GREB1L: variants seen among roughly 807,000 people sequenced by gnomAD.
The protein encoded by GREB1L is GREB1 like retinoic acid receptor coactivator, also known as GREB1-like protein.
Under a neutral mutation model 200.8 loss-of-function variants are expected in GREB1L, and 17 were observed. That is an observed-to-expected ratio of 0.08 (90% CI 0.06 to 0.13). The LOEUF is 0.13. Ranked by LOEUF, GREB1L falls within the 10% of genes least tolerant of loss-of-function variation. GREB1L has a pLI of 1.00. For synonymous variants in GREB1L, 789 were observed against 893.0 expected (o/e 0.88, Z 2.08); for missense variants, 1,657 against 2,367.7 (o/e 0.70, Z 6.23).
intron 7 of GREB1L, among the ~76,000 whole-genome samples, chr18:21,422,328 A>C (rs1447586840): frequency 6.6e-6 from 1 of 152,220 alleles, no homozygotes; most frequent in Non-Finnish European, 1.5e-5. Flanking sequence ...TACATATTTC[A>C]AAAATACCTA....
intron 1 of GREB1L, among the ~76,000 whole-genome samples, chr18:21,313,101 G>C (rs2038816917): frequency 6.6e-6 from 1 of 151,996 alleles, no homozygotes; most frequent in South Asian, 2.1e-4. Context: ...TAGGTTGTCT[G>C]TTTACTCTGT....
At chr18:21,342,652 C>T (rs181818089) in intron 1 of GREB1L, among the ~76,000 whole-genome samples, 7 of 152,236 alleles carry the variant, frequency 4.6e-5, no homozygotes, top group Admixed American at 1.3e-4. Context: ...CTCCTAGGCT[C>T]TGCAGGTAGC....
intron 7 of GREB1L, among the ~76,000 whole-genome samples, chr18:21,428,251 T>A (rs1455345087): frequency 7.3e-6 from 1 of 136,170 alleles, no homozygotes; most frequent in South Asian, 2.4e-4. Context: ...TTCGTCCAGA[T>A]CATAGTTTGA....
intron 1 of GREB1L, among the ~76,000 whole-genome samples, chr18:21,260,159 T>A (rs2037867062): frequency 6.6e-6 from 1 of 152,008 alleles, no homozygotes; most frequent in Non-Finnish European, 1.5e-5. Context: ...AGCATTTTCT[T>A]ATAAATTCAC....
At chr18:21,245,910 G>A (rs973300660) in intron 1 of GREB1L, among the ~76,000 whole-genome samples, 2 of 152,066 alleles carry the variant, frequency 1.3e-5, no homozygotes, top group African/African-American at 2.4e-5. Context: ...GTAGAGATGG[G>A]GTTTCACTGT....
chr18:21,246,415 T>C (rs1394887928), intron 1 of GREB1L, among the ~76,000 whole-genome samples: 3 of 152,228 alleles, frequency 2.0e-5, no homozygotes, highest in Non-Finnish European at 4.4e-5. Flanking sequence ...ATGTGTGTGC[T>C]TATGTTATCT....
At chr18:21,438,481 ATAG>A (rs2033684301) in intron 7 of GREB1L, among the ~76,000 whole-genome samples, 1 of 151,982 alleles carries the variant, frequency 6.6e-6, no homozygotes, top group South Asian at 2.1e-4. Flanking sequence ...TCTGGACAAC[ATAG>A]CAAGATGCTC....
intron 1 of GREB1L, among the ~76,000 whole-genome samples, chr18:21,243,836 T>TTG (rs2037550422): frequency 2.0e-5 from 3 of 152,008 alleles, no homozygotes; most frequent in African/African-American, 4.8e-5. Context: ...TGAATGAATA[T>TTG]ATAAGTAGGG....
At chr18:21,311,791 T>C (rs1392011725) in intron 1 of GREB1L, among the ~76,000 whole-genome samples, 1 of 152,130 alleles carries the variant, frequency 6.6e-6, no homozygotes, top group Non-Finnish European at 1.5e-5. Flanking sequence ...TGGAAATGTA[T>C]ACATTTTTTC....
intron 7 of GREB1L, among the ~76,000 whole-genome samples, chr18:21,417,417 G>A (rs1598797007): frequency 6.6e-6 from 1 of 152,000 alleles, no homozygotes; most frequent in East Asian, 1.9e-4. Flanking sequence ...GGGAAGCGGA[G>A]GCACGAGAAT....
chr18:21,496,820 G>GAGAGGATGC, intron 21 of GREB1L, 122 bp downstream of exon 21: 1 of 1,119,776 alleles, frequency 8.9e-7, no homozygotes, highest in Non-Finnish European at 1.2e-6. Context: ...TCAGGGACTG[G>GAGAGGATGC]CATCCTCTCC....
intron 15 of GREB1L, among the ~76,000 whole-genome samples, chr18:21,457,899 A>T (rs1393904335): frequency 6.6e-6 from 1 of 151,336 alleles, no homozygotes; most frequent in Non-Finnish European, 1.5e-5. Flanking sequence ...ATATGTCATC[A>T]TGTGAATTGA....
At chr18:21,342,219 T>G (rs1474553806) in intron 1 of GREB1L, among the ~76,000 whole-genome samples, 1 of 152,084 alleles carries the variant, frequency 6.6e-6, no homozygotes, top group African/African-American at 2.4e-5. Context: ...CACAACAAAT[T>G]TTAATGTCAT....
At chr18:21,375,551 T>C (rs2040038780) in intron 2 of GREB1L, among the ~76,000 whole-genome samples, 1 of 152,154 alleles carries the variant, frequency 6.6e-6, no homozygotes, top group African/African-American at 2.4e-5. Context: ...ATTTTTTTCT[T>C]TGGAGGTCAG....
intron 1 of GREB1L, among the ~76,000 whole-genome samples, chr18:21,345,011 C>A (rs2039324320): frequency 6.6e-6 from 1 of 152,152 alleles, no homozygotes; most frequent in Non-Finnish European, 1.5e-5. Context: ...CTCTTCAAGC[C>A]TGTACCCACC....
intron 17 of GREB1L, among the ~76,000 whole-genome samples, chr18:21,484,192 T>C (rs985748991): frequency 6.6e-6 from 1 of 150,468 alleles, no homozygotes; most frequent in African/African-American, 2.4e-5. Context: ...TTTTTTTTTT[T>C]TGAGATGGAG....
chr18:21,508,001 G>T, intron 25 of GREB1L, 117 bp from the exon 26 acceptor site: 1 of 946,260 alleles, frequency 1.1e-6, no homozygotes, highest in Non-Finnish European at 1.6e-6. Context: ...CTGCTCTGGT[G>T]GCACTTACCA....
intron 1 of GREB1L, among the ~76,000 whole-genome samples, chr18:21,275,514 G>A (rs1427462800): frequency 2.7e-5 from 4 of 150,816 alleles, no homozygotes; most frequent in East Asian, 4.0e-4. Flanking sequence ...TTAGCTGGGC[G>A]TGGTGGTGCT....
chr18:21,264,885 C>G (rs2037943058), intron 1 of GREB1L, among the ~76,000 whole-genome samples: 1 of 152,130 alleles, frequency 6.6e-6, no homozygotes, highest in Non-Finnish European at 1.5e-5. Flanking sequence ...AGTCCAAGGA[C>G]CTGCTGGGAA....
Sources: gnomAD v4.1 joint callset for allele counts (sites outside exome capture counted in the v4.1 genomes callset) on GRCh38, gnomAD v4.1.1 for gene constraint, MANE v1.5 for transcripts, NCBI Gene and HGNC (gene_info 2026-07-23, HGNC 2026-07-21) for gene names.